The following IFT140 variants were observed in gnomAD, a reference collection of about 807,000 sequenced individuals.
The protein encoded by IFT140 is intraflagellar transport 140, also known as intraflagellar transport protein 140 homolog.
A neutral mutation model predicts 164.6 loss-of-function variants in IFT140; 133 were observed. The ratio of observed to expected loss-of-function variants is 0.81; its 90% confidence interval spans 0.70 to 0.93. The LOEUF is 0.93. Among genes scored for constraint, IFT140 ranks in the 40% least tolerant of loss-of-function variants. The pLI, the probability that IFT140 is intolerant of heterozygous loss-of-function variation, is 0.00. For synonymous variants in IFT140, 860 were observed against 817.3 expected (o/e 1.05, Z -0.89); for missense variants, 2,045 against 1,972.3 (o/e 1.04, Z -0.70).
chr16:1,544,061 A>C (rs2031913531), intron 19 of IFT140, among the ~76,000 whole-genome samples: 2 of 147,226 alleles, frequency 1.4e-5, no homozygotes, highest in Admixed American at 6.9e-5. Context: ...TCTGTCACCC[A>C]TGCTGGAGTG....
chr16:1,594,830 C>G (rs777744093), intron 4 of IFT140, among the ~76,000 whole-genome samples: 39 of 152,222 alleles, frequency 2.6e-4, no homozygotes, highest in Non-Finnish European at 4.4e-4. Context: ...AAGCACTCCC[C>G]AGGGGACGCT....
chr16:1,595,534 G>C (rs1596446592), intron 4 of IFT140, among the ~76,000 whole-genome samples: 1 of 150,746 alleles, frequency 6.6e-6, no homozygotes, highest in Non-Finnish European at 1.5e-5. Context: ...AGAATCACTT[G>C]AATCTGGGAG....
intron 19 of IFT140, among the ~76,000 whole-genome samples, chr16:1,550,052 C>A (rs1169782599): frequency 1.3e-5 from 2 of 152,158 alleles, no homozygotes; most frequent in Non-Finnish European, 2.9e-5. Context: ...ACCTCCTGGG[C>A]TCAGCCTCCT....
intron 14 of IFT140, among the ~76,000 whole-genome samples, chr16:1,570,475 C>A (rs543894498): frequency 6.6e-6 from 1 of 152,302 alleles, no homozygotes; most frequent in South Asian, 2.1e-4. Flanking sequence ...AGGCTCCTGC[C>A]ATCTACCCTC....
chr16:1,610,273 A>G (rs1057983), intron 2 of IFT140: 68,904 of 154,808 alleles, frequency 0.45, 16,957 homozygotes, highest in African/African-American at 0.66. Flanking sequence ...TTGATGCAAC[A>G]CGACCCTCAG....
chr16:1,609,893 A>G (rs2036253006), intron 2 of IFT140: 1 of 152,238 alleles, frequency 6.6e-6, no homozygotes, highest in Non-Finnish European at 1.5e-5. Flanking sequence ...TGGAACATAA[A>G]ACCGGGAAAT....
In IFT140 at chr16:1,531,305, C is replaced by G. The variant is rs550374720; in HGVS notation, c.2400-4509G>C. On this transcript the variant is annotated intron_variant, in intron 19 of 30. Transcript: ENST00000426508. The surrounding 1 kb of genome is among the most constrained non-coding windows in gnomAD (Gnocchi z 4.7). ...CAAGAAGCAGATGGGCGGCAGGGGA[C>G]GCAGCCTTCAAAGGTCCTGCAGAAG... 11 of 152,258 alleles carry G rather than the reference C, an allele frequency of 7.2e-5. No homozygotes were observed. Among genetic ancestry groups the G allele is most frequent in the African/African-American group, 2.4e-4 (10 of 41,454 alleles). 9.4% of individuals were successfully genotyped at this position (152,258 alleles called of 1,614,324 possible). A position where few individuals can be genotyped will look rare whatever the true frequency, so the allele number is the denominator to read the frequency against.
chr16:1,537,803 G>A (rs2031223445), intron 19 of IFT140, among the ~76,000 whole-genome samples: 1 of 152,218 alleles, frequency 6.6e-6, no homozygotes, highest in Admixed American at 6.5e-5. Flanking sequence ...GCGAGCCAGA[G>A]CCTGGCGCTA....
chr16:1,541,950 C>G (rs753892008), intron 19 of IFT140: 1 of 1,608,584 alleles, frequency 6.2e-7, no homozygotes, highest in South Asian at 1.1e-5. Context: ...CGCCTGCAAC[C>G]TGGTGGCCAC....
At chr16:1,595,489 C>T (rs558012775) in intron 4 of IFT140, among the ~76,000 whole-genome samples, 3 of 151,304 alleles carry the variant, frequency 2.0e-5, no homozygotes, top group Non-Finnish European at 2.9e-5. Flanking sequence ...TTGGTGCACA[C>T]CTGTAGTCCC....
Position 1,602,582 on chromosome 16 carries a change from C to G in IFT140, c.157G>C (p.Val53Leu). The G allele has an allele frequency of 6.2e-7, 1 of 1,611,642 alleles. No individual in the cohort carries two copies. Among genetic ancestry groups the G allele is most frequent in the Non-Finnish European group, 8.5e-7 (1 of 1,179,968 alleles). ...GGCCTCTCGACGTGTGTATCTGGCA[C>G]GCACTCCCCCTGCATTGGATGAGAG... ...VDIYLEQGEC[V>L]PDTHVERPFR... is the part of the protein sequence containing the mutation. The change falls in exon 4 of 31, where the codon GTG (valine) becomes CTG (leucine). Residue 53 changes from valine (V) to leucine (L), a missense_variant. Transcript: ENST00000426508.
At chr16:1,571,329 A>G in intron 14 of IFT140, 78 bp downstream of exon 14, 3 of 1,413,538 alleles carry the variant, frequency 2.1e-6, no homozygotes, top group East Asian at 4.6e-5. Context: ...TCTGGCTTCT[A>G]ACTCACTTTC....
At chr16:1,569,170 A>C (rs1032140873) in intron 14 of IFT140, among the ~76,000 whole-genome samples, 2 of 151,342 alleles carry the variant, frequency 1.3e-5, no homozygotes, top group African/African-American at 4.9e-5. Flanking sequence ...GCGCCCGGCT[A>C]ATTTATTTTT....
chr16:1,527,970 G>A (rs376455289), intron 19 of IFT140, among the ~76,000 whole-genome samples: 11 of 152,192 alleles, frequency 7.2e-5, no homozygotes, highest in African/African-American at 2.2e-4. Flanking sequence ...TCAGCTCCAG[G>A]GTAGGCAAAG....
Position 1,511,969 on chromosome 16 carries a change from C to T in IFT140, c.4183-819G>A, listed in dbSNP as rs1017634488. Among the ~76,000 whole-genome samples the T allele has an allele frequency of 4.0e-5, 6 of 151,336 alleles. No individual in the cohort carries two copies. The East Asian group carries it at 9.7e-4, about 24-fold the overall frequency. Reference sequence around the variant, plus strand: ...GAGAGAGGAAGGAGCTGACCAGGGTCGAAGAGGGACCCTGTGGTCAGAAAG... The same window carrying T: ...GAGAGAGGAAGGAGCTGACCAGGGTTGAAGAGGGACCCTGTGGTCAGAAAG... On this transcript the variant is annotated intron_variant, in intron 30 of 30. Coordinates refer to ENST00000426508, the MANE Select transcript of IFT140 (RefSeq NM_014714.4).
At chr16:1,572,594 C>A (rs1353640723) in intron 13 of IFT140, among the ~76,000 whole-genome samples, 1 of 152,094 alleles carries the variant, frequency 6.6e-6, no homozygotes, top group Non-Finnish European at 1.5e-5. Context: ...TGCAGTGAGC[C>A]GAGAACATGC....
chr16:1,610,626 G>C (rs927041462), intron 2 of IFT140, 38 bp downstream of exon 2: 6 of 152,312 alleles, frequency 3.9e-5, no homozygotes, highest in Admixed American at 2.0e-4. Flanking sequence ...TGGCTCCTAA[G>C]GACCTGGGTC....
chr16:1,534,540 C>A, intron 19 of IFT140: 3 of 1,604,430 alleles, frequency 1.9e-6, no homozygotes, highest in Non-Finnish European at 2.5e-6. Context: ...CCAGGAGTCC[C>A]GAGGCACCGT....
chr16:1,557,278 C>T (rs1196492952), intron 19 of IFT140, among the ~76,000 whole-genome samples: 4 of 152,146 alleles, frequency 2.6e-5, no homozygotes, highest in South Asian at 2.1e-4. Context: ...GTGGAAGGCC[C>T]GGCAGGGGGA....
Sources: allele counts gnomAD v4.1 joint callset (sites outside exome capture counted in the v4.1 genomes callset), GRCh38; gene constraint gnomAD v4.1.1; non-coding constraint Gnocchi (gnomAD v3.1); transcripts MANE v1.5; gene names NCBI Gene and HGNC (gene_info 2026-07-23, HGNC 2026-07-21).